Variants in NCAM1 observed in about 807,000 individuals in gnomAD.
The protein encoded by NCAM1 is neural cell adhesion molecule 1, also known as antigen recognized by monoclonal antibody 5.1H11.
Under a neutral mutation model 109.8 loss-of-function variants are expected in NCAM1, and 14 were observed. The observed-to-expected ratio is 0.13, with a 90% CI of 0.08 to 0.20. The LOEUF (loss-of-function observed/expected upper bound fraction) is 0.20, where lower values mean the gene tolerates loss of function less well. Ranked by LOEUF, NCAM1 falls within the 10% of genes least tolerant of loss-of-function variation. The pLI is 1.00. For missense variants in NCAM1, 774 were observed against 1,109.9 expected (o/e 0.70, Z 4.30); for synonymous variants, 418 against 442.9 (o/e 0.94, Z 0.70).
At chr11:113,158,173 C>T (rs2136325368) in intron 1 of NCAM1, among the ~76,000 whole-genome samples, 1 of 152,174 alleles carries the variant, frequency 6.6e-6, no homozygotes. Context: ...AATTGTTAAG[C>T]TTATGTTGGT....
Position 113,153,377 on chromosome 11 carries a change from G to A in NCAM1, c.53-49002G>A, listed in dbSNP as rs188571577. ...GATTTAAAGGAAAGGATAGTTAGAGGAGATATTTAGAGAGAATTGACAGAA... is the reference window on the plus strand; with the variant it reads ...GATTTAAAGGAAAGGATAGTTAGAGAAGATATTTAGAGAGAATTGACAGAA... On this transcript the variant is annotated intron_variant, in intron 1 of 19. Coordinates refer to ENST00000316851, the MANE Select transcript of NCAM1 (RefSeq NM_181351.5). 2.0e-5 allele frequency among the ~76,000 whole-genome samples: 3 copies of A among 152,130 alleles called. No homozygotes were observed. In the East Asian group the frequency reaches 5.8e-4, roughly 30 times the overall value.
chr11:113,234,850 C>G (rs978212651), intron 13 of NCAM1, among the ~76,000 whole-genome samples, 183 bp from the exon 14 acceptor site: 31 of 152,248 alleles, frequency 2.0e-4, no homozygotes, highest in African/African-American at 7.2e-4. Context: ...TGAACATGGA[C>G]AGCCAGGTAT....
chr11:113,089,992 G>A (rs1452174721), intron 1 of NCAM1, among the ~76,000 whole-genome samples: 1 of 152,160 alleles, frequency 6.6e-6, no homozygotes. Context: ...TATGCAGAGT[G>A]AAATACATAG....
intron 1 of NCAM1, among the ~76,000 whole-genome samples, chr11:113,011,960 C>CTCCTT (rs1316037982): frequency 3.7e-5 from 5 of 133,920 alleles, no homozygotes; most frequent in African/African-American, 1.4e-4. Flanking sequence ...CTCTCCTTCT[C>CTCCTT]TCCTTTCCTT....
In NCAM1 at chr11:113,118,643, G is replaced by A. The variant is rs139438383; in HGVS notation, c.53-83736G>A. ...AATTCCCCAGTGCCTGGCCCGATTC[G>A]TGGCCTCTAGAGGTGTCCAGAAAAA... On this transcript the variant is annotated intron_variant, in intron 1 of 19. Transcript: ENST00000316851. Among the ~76,000 whole-genome samples the A allele has an allele frequency of 1.0e-3, 157 of 152,022 alleles. 3 individuals carry two copies. Among genetic ancestry groups the A allele is most frequent in the African/African-American group, 3.5e-3 (146 of 41,340 alleles).
In NCAM1 at chr11:113,233,260, G is replaced by T; in HGVS notation, c.1636G>T (p.Glu546Ter). ...GGVPILKYKA[E>*]WRAVGEEVWH... Reference sequence around the variant, plus strand: ...GGTGCCCATCCTCAAATACAAAGCTGAGTGGAGAGCAGTTGGTGAAGAAGT... The same window carrying T: ...GGTGCCCATCCTCAAATACAAAGCTTAGTGGAGAGCAGTTGGTGAAGAAGT... The change falls in exon 13 of 20, where the codon GAG becomes TAG. Residue 546 changes from glutamate to a stop codon, truncating the protein, a stop_gained. Transcript: ENST00000316851. LOFTEE classifies it high-confidence loss of function. The surrounding 1 kb of genome is among the most constrained non-coding windows in gnomAD (Gnocchi z 4.5). 6.2e-7 allele frequency: 1 copy of T among 1,613,794 alleles called. No homozygotes were observed. The highest frequency in any genetic ancestry group is 8.5e-7 in the Non-Finnish European group (1 of 1,179,842).
intron 1 of NCAM1, among the ~76,000 whole-genome samples, chr11:113,045,778 A>G (rs1281575387): frequency 6.6e-6 from 1 of 152,140 alleles, no homozygotes. Flanking sequence ...TGTTATAGAA[A>G]TAGGCTTTTC....
At chr11:113,092,586 C>T (rs1422434716) in intron 1 of NCAM1, among the ~76,000 whole-genome samples, 9 of 152,086 alleles carry the variant, frequency 5.9e-5, no homozygotes, top group Non-Finnish European at 1.2e-4. Flanking sequence ...GATAAAATTG[C>T]AATTATATGA....
At chr11:113,234,965 CTGTTTT>C in intron 13 of NCAM1, 62 bp from the exon 14 acceptor site, 1 of 1,488,186 alleles carries the variant, frequency 6.7e-7, no homozygotes, top group Admixed American at 2.3e-5. Context: ...ACCCTCCCTA[CTGTTTT>C]TCAGAGCGGC....
At chr11:112,998,944 C>T (rs532700820) in intron 1 of NCAM1, among the ~76,000 whole-genome samples, 32 of 152,200 alleles carry the variant, frequency 2.1e-4, no homozygotes, top group Non-Finnish European at 3.7e-4. Context: ...GACACATGAC[C>T]ATCATAGTTT....
At chr11:113,192,203 T>A (rs1943699117) in intron 1 of NCAM1, among the ~76,000 whole-genome samples, 1 of 152,178 alleles carries the variant, frequency 6.6e-6, no homozygotes, top group Non-Finnish European at 1.5e-5. Context: ...AAAGAAAACA[T>A]CGTCTGGAGC....
intron 1 of NCAM1, among the ~76,000 whole-genome samples, chr11:113,107,420 A>G (rs1248245366): frequency 6.6e-6 from 1 of 152,212 alleles, no homozygotes; most frequent in Non-Finnish European, 1.5e-5. Context: ...AGAAAAGACT[A>G]CTACTGGAAA....
intron 1 of NCAM1, among the ~76,000 whole-genome samples, chr11:113,089,244 C>T (rs782015539): frequency 4.6e-5 from 7 of 151,966 alleles, no homozygotes; most frequent in Non-Finnish European, 7.4e-5. Context: ...ACCCAGGAGA[C>T]GGAGGTTGCC....
At chr11:113,061,471 C>T (rs1017535000) in intron 1 of NCAM1, among the ~76,000 whole-genome samples, 15 of 152,148 alleles carry the variant, frequency 9.9e-5, no homozygotes, top group African/African-American at 3.4e-4. Context: ...CAAATAAAAA[C>T]GAAGCTCTTA....
At chr11:112,988,654 G>A (rs556703941) in intron 1 of NCAM1, among the ~76,000 whole-genome samples, 1 of 151,948 alleles carries the variant, frequency 6.6e-6, no homozygotes, top group East Asian at 1.9e-4. Context: ...ATGGTGAGAA[G>A]TCCACTGATA....
intron 9 of NCAM1, among the ~76,000 whole-genome samples, chr11:113,225,378 G>T (rs1301797870): frequency 2.0e-5 from 3 of 152,190 alleles, no homozygotes; most frequent in African/African-American, 7.2e-5. Flanking sequence ...GAGAAGTTTA[G>T]AGAAAAAAGA....
chr11:113,045,047 C>T (rs1183512511), intron 1 of NCAM1, among the ~76,000 whole-genome samples: 1 of 152,176 alleles, frequency 6.6e-6, no homozygotes, highest in Non-Finnish European at 1.5e-5. Flanking sequence ...AGCCACTGCG[C>T]CCGGCCCTTC....
chr11:113,211,488 T>C (rs1054645219), intron 7 of NCAM1, among the ~76,000 whole-genome samples: 3 of 152,260 alleles, frequency 2.0e-5, no homozygotes, highest in African/African-American at 7.2e-5. Context: ...CTCCTTTTAC[T>C]AAGTAGATGC....
At chr11:112,978,393 T>C (rs1951064827) in intron 1 of NCAM1, among the ~76,000 whole-genome samples, 1 of 151,842 alleles carries the variant, frequency 6.6e-6, no homozygotes, top group African/African-American at 2.4e-5. Flanking sequence ...TTAAATGATA[T>C]TTTTGACATT....
Sources: gnomAD v4.1 joint callset for allele counts (sites outside exome capture counted in the v4.1 genomes callset) on GRCh38, gnomAD v4.1.1 for gene constraint, Gnocchi (gnomAD v3.1) non-coding constraint, MANE v1.5 for transcripts, NCBI Gene and HGNC (gene_info 2026-07-23, HGNC 2026-07-21) for gene names.